PDE4D: variants seen among roughly 807,000 people sequenced by gnomAD.
The protein encoded by PDE4D is 3',5'-cyclic-AMP phosphodiesterase 4D.
In PDE4D, 24 loss-of-function variants were observed where a neutral mutation model predicts 87.4. That is an observed-to-expected ratio of 0.27 (90% confidence interval 0.20 to 0.39). The LOEUF (loss-of-function observed/expected upper bound fraction) is 0.39. PDE4D is among the 10% of genes least tolerant of loss of function. PDE4D has a pLI of 1.00. For synonymous variants in PDE4D, 384 were observed against 383.2 expected (o/e 1.00, Z -0.02); for missense variants, 714 against 1,041.0 (o/e 0.69, Z 4.32).
chr5:60,154,401 T>A (rs1198682102), intron 2 of PDE4D, among the ~76,000 whole-genome samples: 1 of 152,018 alleles, frequency 6.6e-6, no homozygotes, highest in East Asian at 1.9e-4. Context: ...CTCAGCCTCC[T>A]GAGTAGCTGG....
chr5:59,958,291 A>C (rs568096570), intron 3 of PDE4D, among the ~76,000 whole-genome samples: 1 of 151,984 alleles, frequency 6.6e-6, no homozygotes, highest in Admixed American at 6.6e-5. Flanking sequence ...ACATTTTTAC[A>C]CTCTTGGGCA....
chr5:60,311,301 C>T (rs1007528838), intron 1 of PDE4D, among the ~76,000 whole-genome samples: 1 of 152,148 alleles, frequency 6.6e-6, no homozygotes, highest in African/African-American at 2.4e-5. Flanking sequence ...GGATTACAGG[C>T]GTGAGCCACC....
intron 1 of PDE4D, among the ~76,000 whole-genome samples, chr5:59,764,491 T>G (rs560085871): frequency 1.3e-5 from 2 of 152,260 alleles, no homozygotes; most frequent in Admixed American, 1.3e-4. Flanking sequence ...TCTAACTGCT[T>G]TGGTGCTGAG....
intron 1 of PDE4D, among the ~76,000 whole-genome samples, chr5:60,316,972 G>A (rs973282458): frequency 6.6e-6 from 1 of 152,126 alleles, no homozygotes; most frequent in Non-Finnish European, 1.5e-5. Flanking sequence ...TCTCTGCCAG[G>A]CTTTGGTATC....
intron 5 of PDE4D, among the ~76,000 whole-genome samples, chr5:59,126,286 G>C (rs1008372551): frequency 7.9e-5 from 12 of 152,170 alleles, no homozygotes; most frequent in African/African-American, 2.9e-4. Flanking sequence ...AAATTTACTT[G>C]TATCCTTTCA....
intron 1 of PDE4D, among the ~76,000 whole-genome samples, chr5:59,830,378 AAAG>A (rs1741002447): frequency 6.6e-6 from 1 of 152,248 alleles, no homozygotes; most frequent in South Asian, 2.1e-4. Context: ...AAAGGCTGAA[AAAG>A]AAGGTTTAAT....
At chr5:59,284,025 A>C (rs1766375488) in intron 1 of PDE4D, among the ~76,000 whole-genome samples, 1 of 152,118 alleles carries the variant, frequency 6.6e-6, no homozygotes, top group African/African-American at 2.4e-5. Flanking sequence ...CTGGGATTAA[A>C]TGAGAAAACA....
At chr5:59,843,885 C>A (rs1458713855) in intron 1 of PDE4D, among the ~76,000 whole-genome samples, 1 of 152,044 alleles carries the variant, frequency 6.6e-6, no homozygotes, top group Non-Finnish European at 1.5e-5. Flanking sequence ...GAATTTTGCT[C>A]CCCTCAATTT....
Position 59,715,248 on chromosome 5 carries a change from G to A in PDE4D, c.455+177920C>T, listed in dbSNP as rs538458634. 2.6e-5 allele frequency among the ~76,000 whole-genome samples: 4 copies of A among 152,348 alleles called. No individual in the cohort carries two copies. In the East Asian group the frequency reaches 7.7e-4, roughly 29 times the overall value. Reference sequence around the variant, plus strand: ...GCACCTACTTGAAGCAACAGAGTACGCTGAGTACAAGTCCCTTAGCAGCAG... The same window carrying A: ...GCACCTACTTGAAGCAACAGAGTACACTGAGTACAAGTCCCTTAGCAGCAG... On this transcript the variant is annotated intron_variant, in intron 1 of 14. Transcript: ENST00000340635.
At position 60,520,301 on chromosome 5, in the gene PDE4D, G is replaced by T. The variant is rs575650698; in HGVS notation, n.70+1750C>A. ...CACCCCATTTCCATCACAGTGGAAT[G>T]CTCTCCCATGTCAGACAGTAACATG... On this transcript the variant is annotated intron_variant and non_coding_transcript_variant, in intron 1 of 2. Coordinates refer to the PDE4D transcript ENST00000506510. Among the ~76,000 whole-genome samples, 132 of 152,266 alleles carry T rather than the reference G, an allele frequency of 8.7e-4. 1 individual carries two copies. The highest frequency in any genetic ancestry group is 1.5e-3 in the Non-Finnish European group (99 of 68,020).
At chr5:59,639,959 G>A (rs1741293446) in intron 1 of PDE4D, among the ~76,000 whole-genome samples, 1 of 148,730 alleles carries the variant, frequency 6.7e-6, no homozygotes, top group African/African-American at 2.5e-5. Flanking sequence ...TAACATTAAT[G>A]CCCCAACCTT....
intron 1 of PDE4D, among the ~76,000 whole-genome samples, chr5:59,491,174 C>A (rs951856732): frequency 7.2e-5 from 11 of 152,124 alleles, no homozygotes; most frequent in African/African-American, 2.4e-4. Context: ...GCCCTGTGCA[C>A]TTTTCTCTAT....
chr5:60,259,572 C>G (rs534209807), intron 1 of PDE4D, among the ~76,000 whole-genome samples: 1 of 152,014 alleles, frequency 6.6e-6, no homozygotes, highest in Admixed American at 6.6e-5. Flanking sequence ...CTCACAGATT[C>G]CTGATCATAG....
intron 6 of PDE4D, among the ~76,000 whole-genome samples, chr5:59,001,016 C>A (rs919431315): frequency 1.3e-5 from 2 of 151,974 alleles, no homozygotes; most frequent in Non-Finnish European, 2.9e-5. Context: ...TAACTGTACA[C>A]AAAGTTAAGA....
At chr5:59,562,168 T>C (rs562169009) in intron 1 of PDE4D, among the ~76,000 whole-genome samples, 2 of 152,242 alleles carry the variant, frequency 1.3e-5, no homozygotes, top group South Asian at 4.1e-4. Context: ...TTTTCAGAAA[T>C]GCATCTAAGT....
chr5:59,679,332 T>C (rs547589536), intron 1 of PDE4D, among the ~76,000 whole-genome samples: 18 of 152,328 alleles, frequency 1.2e-4, no homozygotes, highest in Non-Finnish European at 2.4e-4. Flanking sequence ...ATTATCTTGG[T>C]ACAACAAAAC....
intron 2 of PDE4D, among the ~76,000 whole-genome samples, chr5:60,104,547 C>T (rs1394209000): frequency 1.3e-5 from 2 of 152,244 alleles, no homozygotes; most frequent in South Asian, 2.1e-4. Context: ...TGAGAATGGG[C>T]AGAGTGCCTC....
At chr5:60,325,397 T>G (rs1756690679) in intron 1 of PDE4D, among the ~76,000 whole-genome samples, 1 of 152,234 alleles carries the variant, frequency 6.6e-6, no homozygotes, top group Admixed American at 6.5e-5. Context: ...TATGATCTAA[T>G]GGTCCCCTGA....
intron 2 of PDE4D, among the ~76,000 whole-genome samples, chr5:60,131,686 T>C (rs368624220): frequency 1.3e-5 from 2 of 152,202 alleles, no homozygotes. Context: ...CACAGGAATA[T>C]GCCCATATAA....
Sources: gnomAD v4.1 joint callset for allele counts (sites outside exome capture counted in the v4.1 genomes callset) on GRCh38, gnomAD v4.1.1 for gene constraint, MANE v1.5 for transcripts, NCBI Gene and HGNC (gene_info 2026-07-23, HGNC 2026-07-21) for gene names.